TMEM132C: variants seen among roughly 807,000 people sequenced by gnomAD.
TMEM132C encodes protein phosphatase 1, regulatory subunit 152.
TMEM132C carries 29 observed loss-of-function variants against 61.4 expected under a neutral mutation model. The observed-to-expected ratio is 0.47, with a 90% CI of 0.35 to 0.64. The LOEUF (loss-of-function observed/expected upper bound fraction) is 0.64, where lower values mean the gene tolerates loss of function less well. Ranked by LOEUF, TMEM132C falls within the 30% of genes least tolerant of loss-of-function variation. The pLI is 0.00. For synonymous variants in TMEM132C, 656 were observed against 633.1 expected, an observed-to-expected ratio of 1.04 and a Z score of -0.54; for missense variants, 1,408 against 1,476.9, an observed-to-expected ratio of 0.95 and a Z score of 0.76.
intron 3 of TMEM132C, among the ~76,000 whole-genome samples, chr12:128,596,576 T>C (rs4882808): frequency 0.68 from 100,794 of 148,498 alleles, 38,425 homozygotes; most frequent in Non-Finnish European, 0.88. Flanking sequence ...GCTGCCCCTT[T>C]TGCAGGTCCT....
At chr12:128,343,817 C>T (rs1423922858) in intron 1 of TMEM132C, among the ~76,000 whole-genome samples, 3 of 152,112 alleles carry the variant, frequency 2.0e-5, no homozygotes, top group Admixed American at 6.6e-5. Flanking sequence ...ATGGATTTGC[C>T]TATTTGGGAC....
chr12:128,611,650 C>G (rs190421140), intron 3 of TMEM132C, among the ~76,000 whole-genome samples: 108 of 152,306 alleles, frequency 7.1e-4, no homozygotes, highest in African/African-American at 2.2e-3. Flanking sequence ...TATGTAGATA[C>G]TGGAGGGAAA....
intron 2 of TMEM132C, among the ~76,000 whole-genome samples, chr12:128,429,061 GTA>G (rs1297792315): frequency 2.6e-5 from 4 of 152,174 alleles, no homozygotes; most frequent in Non-Finnish European, 5.9e-5. Flanking sequence ...TCCCATCTCT[GTA>G]GCAGCATCTA....
chr12:128,622,676 G>A (rs377078556), intron 4 of TMEM132C, among the ~76,000 whole-genome samples: 17 of 152,024 alleles, frequency 1.1e-4, no homozygotes, highest in African/African-American at 1.7e-4. Flanking sequence ...TCTGGGGTCC[G>A]TGGGGAAGCG....
At chr12:128,453,143 C>A (rs954199404) in intron 2 of TMEM132C, among the ~76,000 whole-genome samples, 8 of 152,144 alleles carry the variant, frequency 5.3e-5, no homozygotes, top group African/African-American at 1.7e-4. Flanking sequence ...AGTGTCCCTG[C>A]GAAGGTGGTT....
intron 2 of TMEM132C, among the ~76,000 whole-genome samples, chr12:128,487,061 GA>G (rs1438954859): frequency 6.6e-6 from 1 of 152,162 alleles, no homozygotes; most frequent in African/African-American, 2.4e-5. Context: ...CCAAAGTGGA[GA>G]AAGGGGTGCC....
At chr12:128,645,480 G>C (rs192462722) in intron 4 of TMEM132C, among the ~76,000 whole-genome samples, 4 of 151,804 alleles carry the variant, frequency 2.6e-5, no homozygotes, top group South Asian at 2.1e-4. Flanking sequence ...TTCTTCTCTC[G>C]CTTGAGTTAT....
chr12:128,368,323 G>A (rs897705737), intron 1 of TMEM132C, among the ~76,000 whole-genome samples: 5 of 152,206 alleles, frequency 3.3e-5, no homozygotes, highest in Non-Finnish European at 2.9e-5. Flanking sequence ...GCAAGGTAGC[G>A]CAGTGGTTAT....
intron 2 of TMEM132C, among the ~76,000 whole-genome samples, chr12:128,484,181 A>C (rs2136093814): frequency 6.6e-6 from 1 of 152,360 alleles, no homozygotes; most frequent in Admixed American, 6.5e-5. Context: ...ACTGGTCTCA[A>C]GTAATTCCCT....
chr12:128,654,318 G>A (rs1055408178), intron 4 of TMEM132C, among the ~76,000 whole-genome samples: 46 of 152,112 alleles, frequency 3.0e-4, no homozygotes, highest in African/African-American at 1.1e-3. Context: ...ACCCAGAATT[G>A]CAGGGTTGCA....
chr12:128,297,612 G>A (rs994537886), intron 1 of TMEM132C, among the ~76,000 whole-genome samples: 1 of 152,216 alleles, frequency 6.6e-6, no homozygotes, highest in Admixed American at 6.5e-5. Context: ...GAACTGAGAA[G>A]GTCTGACTTT....
At chr12:128,550,798 G>T (rs1874148295) in intron 3 of TMEM132C, among the ~76,000 whole-genome samples, 1 of 152,222 alleles carries the variant, frequency 6.6e-6, no homozygotes, top group Non-Finnish European at 1.5e-5. Flanking sequence ...TCCTGAACCT[G>T]CTTCCGTCAC....
intron 1 of TMEM132C, among the ~76,000 whole-genome samples, chr12:128,320,886 A>G (rs1010387756): frequency 2.0e-5 from 3 of 151,822 alleles, no homozygotes; most frequent in African/African-American, 7.2e-5. Flanking sequence ...GCCTCCAAGA[A>G]ATGAGATGCC....
At chr12:128,413,046 C>A (rs1186131628) in intron 1 of TMEM132C, among the ~76,000 whole-genome samples, 1 of 152,004 alleles carries the variant, frequency 6.6e-6, no homozygotes, top group African/African-American at 2.4e-5. Context: ...CATATGTAAT[C>A]CCAGCACTTT....
chr12:128,373,484 G>A (rs557422037), intron 1 of TMEM132C, among the ~76,000 whole-genome samples: 1 of 152,206 alleles, frequency 6.6e-6, no homozygotes, highest in African/African-American at 2.4e-5. Flanking sequence ...TTGCAGGGGA[G>A]AAAGAGAGAA....
At chr12:128,350,446 G>A (rs1346946873) in intron 1 of TMEM132C, among the ~76,000 whole-genome samples, 1 of 152,202 alleles carries the variant, frequency 6.6e-6, no homozygotes, top group African/African-American at 2.4e-5. Context: ...GAACCTCACA[G>A]AGACTTGAGT....
At chr12:128,655,319 G>A (rs1029615707) in intron 4 of TMEM132C, among the ~76,000 whole-genome samples, 1 of 152,160 alleles carries the variant, frequency 6.6e-6, no homozygotes, top group African/African-American at 2.4e-5. Context: ...CTTACTGGGT[G>A]GAATTGCAAG....
intron 2 of TMEM132C, among the ~76,000 whole-genome samples, chr12:128,531,104 A>C (rs1873281116): frequency 6.6e-6 from 1 of 152,006 alleles, no homozygotes; most frequent in Non-Finnish European, 1.5e-5. Flanking sequence ...TAATTGTTTT[A>C]TGAAGAAACA....
At chr12:128,632,311 T>C (rs1203776674) in intron 4 of TMEM132C, among the ~76,000 whole-genome samples, 2 of 152,208 alleles carry the variant, frequency 1.3e-5, no homozygotes, top group Non-Finnish European at 2.9e-5. Context: ...ACTTGGCACA[T>C]ATTAAATACT....
Sources: gnomAD v4.1 joint callset for allele counts (sites outside exome capture counted in the v4.1 genomes callset) on GRCh38, gnomAD v4.1.1 for gene constraint, MANE v1.5 for transcripts, NCBI Gene and HGNC (gene_info 2026-07-23, HGNC 2026-07-21) for gene names.